The following LINGO2 variants were observed in gnomAD, a reference collection of about 807,000 sequenced individuals.
The protein encoded by LINGO2 is leucine-rich repeat and immunoglobulin-like domain-containing nogo receptor-interacting protein 2.
In LINGO2, 14 loss-of-function variants were observed where a neutral mutation model predicts 30.6. The observed-to-expected ratio is 0.46, with a 90% confidence interval of 0.30 to 0.72. The LOEUF (loss-of-function observed/expected upper bound fraction) is 0.72, where lower values mean the gene tolerates loss of function less well. Ranked by LOEUF, LINGO2 falls within the 30% of genes least tolerant of loss-of-function variation. LINGO2 has a pLI of 0.07. For synonymous variants in LINGO2, 317 were observed against 288.5 expected, an observed-to-expected ratio of 1.10 and a Z score of -1.00; for missense variants, 729 against 751.7, an observed-to-expected ratio of 0.97 and a Z score of 0.35.
At chr9:28,883,628 G>GTGTGTATGTATATATATGTATATATA in the LINGO2 span, among the ~76,000 whole-genome samples, 2 of 64,180 alleles carry the variant, frequency 3.1e-5, no homozygotes, top group East Asian at 1.0e-3. Flanking sequence ...ATGTGTGTGT[G>GTGTGTATGTATATATATGTATATATA]TATATATATA....
At chr9:28,678,964 C>A in the LINGO2 span, among the ~76,000 whole-genome samples, 2 of 152,058 alleles carry the variant, frequency 1.3e-5, no homozygotes, top group Non-Finnish European at 1.5e-5. Context: ...TACAGATCAG[C>A]GATTTTGGGG....
chr9:29,130,500 G>C, the LINGO2 span, among the ~76,000 whole-genome samples: 1 of 152,230 alleles, frequency 6.6e-6, no homozygotes, highest in South Asian at 2.1e-4. Flanking sequence ...CAGGAAACTT[G>C]AGTGAACTTG....
chr9:28,355,064 A>C (rs923468272), intron 3 of LINGO2, among the ~76,000 whole-genome samples: 1 of 152,162 alleles, frequency 6.6e-6, no homozygotes, highest in African/African-American at 2.4e-5. Context: ...TCTAAAACTA[A>C]GTCTAATAGG....
At chr9:29,092,682 A>T in the LINGO2 span, among the ~76,000 whole-genome samples, 5 of 130,158 alleles carry the variant, frequency 3.8e-5, 1 homozygote, top group Admixed American at 8.1e-5. Flanking sequence ...TTCTTAACAA[A>T]GACTGCCAAC....
chr9:28,012,202 G>GAGGGAA (rs1432819113), intron 5 of LINGO2, among the ~76,000 whole-genome samples: 2 of 152,070 alleles, frequency 1.3e-5, no homozygotes, highest in African/African-American at 2.4e-5. Context: ...GAAAAGAGTG[G>GAGGGAA]AGGGAAAGGG....
At chr9:28,685,258 T>C in the LINGO2 span, among the ~76,000 whole-genome samples, 5 of 152,342 alleles carry the variant, frequency 3.3e-5, no homozygotes, top group South Asian at 1.0e-3. Flanking sequence ...ATTACATGTC[T>C]TTGCTATTGT....
At chr9:28,574,396 A>G (rs1823853008) in intron 1 of LINGO2, among the ~76,000 whole-genome samples, 1 of 152,190 alleles carries the variant, frequency 6.6e-6, no homozygotes, top group Admixed American at 6.5e-5. Context: ...TTGTTTCCAT[A>G]CAGTCACTGT....
chr9:28,083,192 A>G (rs1209947481), intron 4 of LINGO2, among the ~76,000 whole-genome samples: 1 of 152,194 alleles, frequency 6.6e-6, no homozygotes, highest in Non-Finnish European at 1.5e-5. Flanking sequence ...TTTGGTGAGC[A>G]CAAGGACATC....
intron 1 of LINGO2, among the ~76,000 whole-genome samples, chr9:28,645,231 C>T (rs895495837): frequency 9.2e-5 from 14 of 152,028 alleles, no homozygotes; most frequent in African/African-American, 3.1e-4. Context: ...GTTATAGTCA[C>T]AGCAGTAAGA....
intron 2 of LINGO2, among the ~76,000 whole-genome samples, chr9:28,428,072 T>C (rs1823486207): frequency 6.6e-6 from 1 of 152,172 alleles, no homozygotes; most frequent in African/African-American, 2.4e-5. Context: ...TCTTCGATCA[T>C]TTCCCCAGGA....
chr9:28,988,774 T>C, the LINGO2 span, among the ~76,000 whole-genome samples: 1 of 152,228 alleles, frequency 6.6e-6, no homozygotes, highest in African/African-American at 2.4e-5. Context: ...TCATCTGGCA[T>C]CGTGCCTACC....
chr9:28,516,645 G>T (rs10121969), intron 1 of LINGO2, among the ~76,000 whole-genome samples: 31,617 of 152,076 alleles, frequency 0.21, 3,554 homozygotes, highest in East Asian at 0.36. Context: ...TTAAAACCAA[G>T]GTGTAAAAAC....
At chr9:29,052,112 C>G in the LINGO2 span, among the ~76,000 whole-genome samples, 2 of 152,070 alleles carry the variant, frequency 1.3e-5, no homozygotes, top group African/African-American at 4.8e-5. Context: ...ATTTTGGTAT[C>G]TCCATAAATA....
At chr9:27,938,374 C>T in the LINGO2 span, 1 of 152,144 alleles carries the variant, frequency 6.6e-6, no homozygotes, top group Non-Finnish European at 1.5e-5. Flanking sequence ...TCTACTAGGT[C>T]CCCAATTCTA....
chr9:28,686,116 G>A, the LINGO2 span, among the ~76,000 whole-genome samples: 1 of 151,790 alleles, frequency 6.6e-6, no homozygotes, highest in African/African-American at 2.4e-5. Context: ...GCAGAAATTG[G>A]GGAAATTAAC....
At chr9:29,002,366 A>G in the LINGO2 span, among the ~76,000 whole-genome samples, 2 of 152,066 alleles carry the variant, frequency 1.3e-5, no homozygotes, top group Non-Finnish European at 1.5e-5. Flanking sequence ...GTACAGAGGT[A>G]ATTTGACATA....
At chr9:28,622,554 T>C (rs1162050006) in intron 1 of LINGO2, among the ~76,000 whole-genome samples, 1 of 152,012 alleles carries the variant, frequency 6.6e-6, no homozygotes, top group Non-Finnish European at 1.5e-5. Context: ...TGAATAGTGC[T>C]CCATTGTGCA....
intron 2 of LINGO2, among the ~76,000 whole-genome samples, chr9:28,424,993 G>A (rs1205193081): frequency 6.6e-6 from 1 of 151,862 alleles, no homozygotes; most frequent in Non-Finnish European, 1.5e-5. Context: ...GCTATAGTGA[G>A]GACCAAATAA....
chr9:28,694,675 C>T, the LINGO2 span, among the ~76,000 whole-genome samples: 1 of 151,964 alleles, frequency 6.6e-6, no homozygotes, highest in Non-Finnish European at 1.5e-5. Flanking sequence ...CACAATCACA[C>T]AGCTAGTAAG....
Sources: allele counts gnomAD v4.1 joint callset (sites outside exome capture counted in the v4.1 genomes callset), GRCh38; gene constraint gnomAD v4.1.1; transcripts MANE v1.5; gene names NCBI Gene and HGNC (gene_info 2026-07-23, HGNC 2026-07-21).